Variants in DGKB observed in about 807,000 individuals in gnomAD.
The protein encoded by DGKB is diacylglycerol kinase beta, also known as 90 kDa diacylglycerol kinase.
A neutral mutation model predicts 114.3 loss-of-function variants in DGKB; 67 were observed. The ratio of observed to expected loss-of-function variants is 0.59; its 90% confidence interval spans 0.48 to 0.72. The LOEUF (loss-of-function observed/expected upper bound fraction) is 0.72, where lower values mean the gene tolerates loss of function less well. Among genes scored for constraint, DGKB ranks in the 30% least tolerant of loss-of-function variants. The pLI is 0.00. For missense variants in DGKB, 907 were observed against 975.2 expected, an observed-to-expected ratio of 0.93 and a Z score of 0.93; for synonymous variants, 398 against 323.1, an observed-to-expected ratio of 1.23 and a Z score of -2.49.
At chr7:14,937,745 C>G (rs758564939) in intron 1 of DGKB, among the ~76,000 whole-genome samples, 1 of 151,074 alleles carries the variant, frequency 6.6e-6, no homozygotes, top group Non-Finnish European at 1.5e-5. Context: ...GCCTCTGCTA[C>G]CCCTGAGACA....
At chr7:14,757,097 C>T (rs1445640944) in intron 3 of DGKB, among the ~76,000 whole-genome samples, 2 of 151,998 alleles carry the variant, frequency 1.3e-5, no homozygotes, top group Admixed American at 1.3e-4. Context: ...AAAAAAATTC[C>T]TCCCTTTTTG....
intron 12 of DGKB, among the ~76,000 whole-genome samples, chr7:14,677,768 G>A (rs188535963): frequency 7.2e-5 from 11 of 152,124 alleles, no homozygotes; most frequent in Non-Finnish European, 2.9e-5. Flanking sequence ...GAACTGAGGT[G>A]AATATTTTGC....
intron 21 of DGKB, among the ~76,000 whole-genome samples, chr7:14,428,831 A>G (rs1181529553): frequency 2.6e-5 from 4 of 152,236 alleles, no homozygotes; most frequent in Admixed American, 2.0e-4. Context: ...AAAAAAACCC[A>G]TGCTCATTCA....
chr7:14,682,523 G>T, intron 12 of DGKB, 30 bp downstream of exon 12: 3 of 1,469,284 alleles, frequency 2.0e-6, no homozygotes, highest in Non-Finnish European at 2.9e-6. Context: ...GTGGGTGAAT[G>T]CTGGGATTTG....
intron 1 of DGKB, among the ~76,000 whole-genome samples, chr7:14,945,006 G>T (rs921488253): frequency 6.6e-6 from 1 of 151,580 alleles, no homozygotes; most frequent in African/African-American, 2.4e-5. Context: ...GTATGTAACA[G>T]AATGAATTAC....
In DGKB at chr7:14,148,877, G is replaced by A. The variant is rs902369293; in HGVS notation, c.*254C>T. ...TGGGTGGGAGATGTAAAAATCTATG[G>A]GAATGCATGCACCAAAAATATGCAG... is the stretch of plus-strand genomic sequence containing the variant. On this transcript the variant is annotated 3_prime_UTR_variant, in exon 26 of 26. Coordinates refer to ENST00000402815, the MANE Select transcript of DGKB (RefSeq NM_001350709.2). 1.5e-4 allele frequency: 74 copies of A among 481,794 alleles called. No individual in the cohort carries two copies. Among genetic ancestry groups the A allele is most frequent in the Non-Finnish European group, 5.2e-5 (14 of 271,148 alleles). 29.8% of individuals were successfully genotyped at this position (481,794 alleles called of 1,614,324 possible). A position where few individuals can be genotyped will look rare whatever the true frequency, so the allele number is the denominator to read the frequency against.
chr7:14,829,166 A>C (rs369152931), intron 2 of DGKB, among the ~76,000 whole-genome samples: 64 of 152,122 alleles, frequency 4.2e-4, no homozygotes, highest in African/African-American at 1.5e-3. Context: ...GGGCAAGCTC[A>C]TGCCATTCTC....
chr7:14,168,030 G>A (rs115158925), intron 25 of DGKB, among the ~76,000 whole-genome samples: 1,638 of 152,164 alleles, frequency 0.011, 32 homozygotes, highest in Middle Eastern at 0.037. Flanking sequence ...GACTTAAGAG[G>A]TATTATAACC....
chr7:14,629,341 T>G (rs1809246983), intron 14 of DGKB, among the ~76,000 whole-genome samples: 1 of 152,104 alleles, frequency 6.6e-6, no homozygotes, highest in African/African-American at 2.4e-5. Context: ...CCAAGTATTT[T>G]TGAGTATGTC....
chr7:14,847,914 G>T (rs1472136513), intron 1 of DGKB, among the ~76,000 whole-genome samples: 1 of 152,142 alleles, frequency 6.6e-6, no homozygotes, highest in Non-Finnish European at 1.5e-5. Context: ...GTTATGACTG[G>T]ATCCTGGTAA....
chr7:14,437,600 C>T (rs1195944231), intron 21 of DGKB, among the ~76,000 whole-genome samples: 1 of 151,896 alleles, frequency 6.6e-6, no homozygotes, highest in African/African-American at 2.4e-5. Flanking sequence ...TGCATACCTC[C>T]TAAATATGTT....
At chr7:14,951,819 CA>C (rs1786215096) in intron 1 of DGKB, among the ~76,000 whole-genome samples, 1 of 151,512 alleles carries the variant, frequency 6.6e-6, no homozygotes, top group South Asian at 2.1e-4. Context: ...TTAAAGTGCT[CA>C]AATAATAAAG....
intron 23 of DGKB, among the ~76,000 whole-genome samples, chr7:14,274,680 T>C (rs1798737848): frequency 6.6e-6 from 1 of 152,112 alleles, no homozygotes; most frequent in Non-Finnish European, 1.5e-5. Context: ...ATTTGGTATC[T>C]GGTATTTGGT....
intron 20 of DGKB, among the ~76,000 whole-genome samples, chr7:14,505,786 T>G (rs920304854): frequency 6.6e-6 from 1 of 152,198 alleles, no homozygotes; most frequent in African/African-American, 2.4e-5. Flanking sequence ...CGCCAGTAAT[T>G]TGCTTCTTTA....
chr7:14,274,801 C>A (rs1798754550), intron 23 of DGKB, among the ~76,000 whole-genome samples: 1 of 151,836 alleles, frequency 6.6e-6, no homozygotes, highest in Non-Finnish European at 1.5e-5. Context: ...TATAAAGGCA[C>A]TAATCCCGTC....
intron 20 of DGKB, among the ~76,000 whole-genome samples, chr7:14,515,831 C>A (rs10231674): frequency 3.1e-3 from 465 of 152,198 alleles, no homozygotes; most frequent in African/African-American, 0.01. Context: ...CAAATTGCTA[C>A]TTTAGAAGAG....
intron 1 of DGKB, among the ~76,000 whole-genome samples, chr7:14,847,290 CAA>C (rs369385721): frequency 2.6e-4 from 24 of 92,884 alleles, no homozygotes; most frequent in South Asian, 8.2e-4. Context: ...GACTCCGTCT[CAA>C]AAAAAAAAAA....
At chr7:14,593,502 A>C (rs945771536) in intron 17 of DGKB, among the ~76,000 whole-genome samples, 1 of 152,038 alleles carries the variant, frequency 6.6e-6, no homozygotes, top group African/African-American at 2.4e-5. Context: ...TAGAAACACT[A>C]ATATTTAGTT....
chr7:14,443,636 A>T (rs1830361326), intron 21 of DGKB, among the ~76,000 whole-genome samples: 1 of 152,052 alleles, frequency 6.6e-6, no homozygotes, highest in African/African-American at 2.4e-5. Flanking sequence ...GTTCCTTGGA[A>T]GATAATTTGT....
Sources: allele counts gnomAD v4.1 joint callset (sites outside exome capture counted in the v4.1 genomes callset), GRCh38; gene constraint gnomAD v4.1.1; transcripts MANE v1.5; gene names NCBI Gene and HGNC (gene_info 2026-07-23, HGNC 2026-07-21).